Variants in REEP3 observed in about 807,000 individuals in gnomAD.
REEP3 encodes receptor expression-enhancing protein 3.
In REEP3, 20 loss-of-function variants were observed where a neutral mutation model predicts 41.3. That is an observed-to-expected ratio of 0.48 (90% CI 0.34 to 0.70). REEP3 has a LOEUF of 0.70. Among genes scored for constraint, REEP3 ranks in the 30% least tolerant of loss-of-function variants. The pLI, the probability that REEP3 is intolerant of heterozygous loss-of-function variation, is 0.01. For synonymous variants in REEP3, 104 were observed against 101.8 expected, an observed-to-expected ratio of 1.02 and a Z score of -0.13; for missense variants, 271 against 308.8, an observed-to-expected ratio of 0.88 and a Z score of 0.92.
In REEP3 at chr10:63,598,088, G is replaced by A; in HGVS notation, c.247G>A (p.Gly83Arg). Reference sequence around the variant, plus strand: ...ATGGCTGCTTTCTCCCTATACCAAAGGAGCAAGTTTAATATATAGAAAATT... The same window carrying A: ...ATGGCTGCTTTCTCCCTATACCAAAAGAGCAAGTTTAATATATAGAAAATT... ...VIWLLSPYTKGASLIYRKFLH... is the reference protein window; with the variant it reads ...VIWLLSPYTKRASLIYRKFLH... Residue 83 changes from glycine to arginine, a missense_variant, in exon 4 of 8, where the codon GGA (glycine) becomes AGA (arginine). Gly to Arg is a moderately radical substitution (Grantham distance 125, BLOSUM62 -2). Coordinates refer to ENST00000373758, the MANE Select transcript of REEP3 (RefSeq NM_001001330.3). The A allele has an allele frequency of 1.9e-6, 3 of 1,600,622 alleles. No individual in the cohort carries two copies. Among genetic ancestry groups the A allele is most frequent in the Non-Finnish European group, 2.6e-6 (3 of 1,167,950 alleles).
At chr10:63,543,186 A>G (rs559041916) in intron 1 of REEP3, among the ~76,000 whole-genome samples, 1 of 152,276 alleles carries the variant, frequency 6.6e-6, no homozygotes, top group African/African-American at 2.4e-5. Context: ...TTAAAATAAT[A>G]ATCATTTTAT....
intron 5 of REEP3, among the ~76,000 whole-genome samples, chr10:63,606,975 A>G (rs1343209596): frequency 2.6e-5 from 4 of 152,220 alleles, no homozygotes; most frequent in Non-Finnish European, 5.9e-5. Flanking sequence ...GAGGGAAGAT[A>G]TCTCCACTTA....
At chr10:63,601,645 G>A (rs576541823) in intron 5 of REEP3, among the ~76,000 whole-genome samples, 4 of 152,084 alleles carry the variant, frequency 2.6e-5, no homozygotes, top group African/African-American at 4.8e-5. Flanking sequence ...GAGGCTGGGC[G>A]TGGTGGCTCA....
chr10:63,602,488 A>G (rs1208995352), intron 5 of REEP3, among the ~76,000 whole-genome samples: 2 of 152,252 alleles, frequency 1.3e-5, no homozygotes, highest in South Asian at 2.1e-4. Flanking sequence ...ATCCTTCAAC[A>G]TGGTTCTATG....
chr10:63,614,496 T>C (rs143099626), intron 6 of REEP3, among the ~76,000 whole-genome samples: 2 of 152,304 alleles, frequency 1.3e-5, no homozygotes, highest in African/African-American at 4.8e-5. Context: ...AAGCAGCTGC[T>C]GGCTAGAATG....
chr10:63,563,543 T>C (rs1564479543), intron 1 of REEP3, among the ~76,000 whole-genome samples: 1 of 152,168 alleles, frequency 6.6e-6, no homozygotes, highest in East Asian at 1.9e-4. Flanking sequence ...ATTTTTTTAA[T>C]CTGATAACCA....
At chr10:63,551,590 C>T (rs1019977640) in intron 1 of REEP3, among the ~76,000 whole-genome samples, 3 of 152,178 alleles carry the variant, frequency 2.0e-5, no homozygotes, top group African/African-American at 7.2e-5. Flanking sequence ...CCCAAAAACC[C>T]ATGACCTGAG....
At chr10:63,577,695 A>G (rs1955909830) in intron 2 of REEP3, among the ~76,000 whole-genome samples, 2 of 152,016 alleles carry the variant, frequency 1.3e-5, no homozygotes, top group Admixed American at 1.3e-4. Context: ...GGGCCTCAGA[A>G]ATTGCCAGGA....
At chr10:63,569,498 G>A (rs1955834169) in intron 2 of REEP3, among the ~76,000 whole-genome samples, 1 of 148,522 alleles carries the variant, frequency 6.7e-6, no homozygotes, top group South Asian at 2.1e-4. Flanking sequence ...TTTAGGAAAA[G>A]AAAGCTAAGT....
chr10:63,548,042 C>T (rs1955594881), intron 1 of REEP3, among the ~76,000 whole-genome samples: 2 of 152,212 alleles, frequency 1.3e-5, no homozygotes, highest in Admixed American at 6.5e-5. Context: ...CTGAGTGTCA[C>T]TTATTGATTG....
rs2133438788 is a variant in REEP3, at chr10:63,619,686, GAA to G, written c.600_601del (p.Lys200AsnfsTer3). ...YGIPLKDGDEKTDEEAEGPYS... is the reference protein window; with the variant it reads ...YGIPLKDGDEXTDEEAEGPYS... ...GAATTCCACTGAAAGACGGAGATGA[GAA>G]AACAGATGAAGAAGCAGAGGGGCCA... On this transcript the variant is annotated frameshift_variant, in exon 7 of 8. Transcript: ENST00000373758. LOFTEE classifies it high-confidence loss of function. 1 of 1,604,356 alleles carries G rather than the reference GAA, an allele frequency of 6.2e-7. No homozygotes were observed. Among genetic ancestry groups the G allele is most frequent in the East Asian group, 2.2e-5 (1 of 44,680 alleles).
At chr10:63,616,060 A>C (rs1956309923) in intron 6 of REEP3, among the ~76,000 whole-genome samples, 1 of 152,214 alleles carries the variant, frequency 6.6e-6, no homozygotes, top group Non-Finnish European at 1.5e-5. Flanking sequence ...CTTCTGCTTA[A>C]AACATTTCAA....
rs1327166941 is a variant in REEP3 at position 63,624,641 on chromosome 10, A to G, written c.*3772A>G. The G allele has an allele frequency of 6.6e-6, 1 of 152,102 alleles. No homozygotes were observed. The highest frequency in any genetic ancestry group is 1.5e-5 in the Non-Finnish European group (1 of 67,970). The allele number at this position is 152,102 out of a possible 1,614,324, so 9.4% of individuals were successfully genotyped here. On this transcript the variant is annotated 3_prime_UTR_variant, in exon 8 of 8. Transcript: ENST00000373758. ...ATTCCATGAATTGGTATTACTTATT[A>G]TTATGTGTTGATTAAATATATGCAC...
At chr10:63,545,365 T>G (rs34826524) in intron 1 of REEP3, among the ~76,000 whole-genome samples, 31,034 of 152,036 alleles carry the variant, frequency 0.2, 4,084 homozygotes, top group Non-Finnish European at 0.3. Context: ...TATAGAACAT[T>G]TGAACTTCTT....
rs1955572394 is a variant in REEP3, at chr10:63,545,694, T to TTG, written c.33-20643_33-20642insGT. Among the ~76,000 whole-genome samples the TTG allele has an allele frequency of 4.9e-5, 7 of 142,688 alleles. No individual in the cohort carries two copies. In the South Asian group the frequency reaches 1.4e-3, roughly 29 times the overall value. The allele number at this position is 142,688 out of a possible 152,430, so 93.6% of individuals were successfully genotyped here. The stretch of plus-strand genomic sequence containing the variant: ...GGCCAACTTCTGTTTTTTTTTTTTT[T>TTG]TTTTTTTTTTTGAGATGGAGTCTTG... On this transcript the variant is annotated intron_variant, in intron 1 of 7. Coordinates refer to ENST00000373758, the MANE Select transcript of REEP3 (RefSeq NM_001001330.3).
At chr10:63,615,190 A>C (rs1480279831) in intron 6 of REEP3, among the ~76,000 whole-genome samples, 1 of 152,248 alleles carries the variant, frequency 6.6e-6, no homozygotes, top group Non-Finnish European at 1.5e-5. Flanking sequence ...AACAGTGTTT[A>C]GCCCTGAGTA....
rs1956354201 is a variant in REEP3 at position 63,621,618 on chromosome 10, A to G, written c.*749A>G. The G allele has an allele frequency of 6.6e-6, 1 of 152,652 alleles. No homozygotes were observed. Among genetic ancestry groups the G allele is most frequent in the African/African-American group, 2.4e-5 (1 of 41,470 alleles). The allele number at this position is 152,652 out of a possible 1,614,324, so 9.5% of individuals were successfully genotyped here. A position where few individuals can be genotyped will look rare whatever the true frequency, so the allele number is the denominator to read the frequency against. ...CATTGGATTTTAATAATATAAAAGTATAGCTAATTGTTCAGTTTTAACTAT... is the reference window on the plus strand; with the variant it reads ...CATTGGATTTTAATAATATAAAAGTGTAGCTAATTGTTCAGTTTTAACTAT... On this transcript the variant is annotated 3_prime_UTR_variant, in exon 8 of 8. Transcript: ENST00000373758.
In REEP3 at chr10:63,625,018, G is replaced by T. The variant is rs1021439399; in HGVS notation, c.*4149G>T. ...ATTATGACACATAATGCGTGTTAAG[G>T]TCTTTCTAGATAGCATTTTAAATGG... On this transcript the variant is annotated 3_prime_UTR_variant, in exon 8 of 8. Transcript: ENST00000373758. 6.6e-6 allele frequency: 1 copy of T among 151,994 alleles called. No individual in the cohort carries two copies. The highest frequency in any genetic ancestry group is 2.4e-5 in the African/African-American group (1 of 41,402). 9.4% of individuals were successfully genotyped at this position (151,994 alleles called of 1,614,324 possible).
At chr10:63,560,116 A>AG (rs1955726592) in intron 1 of REEP3, among the ~76,000 whole-genome samples, 2 of 152,104 alleles carry the variant, frequency 1.3e-5, no homozygotes, top group African/African-American at 4.8e-5. Context: ...AATCTGGAAA[A>AG]GGGGGCTCAC....
Sources: gnomAD v4.1 joint callset for allele counts (sites outside exome capture counted in the v4.1 genomes callset) on GRCh38, gnomAD v4.1.1 for gene constraint, MANE v1.5 for transcripts, NCBI Gene and HGNC (gene_info 2026-07-23, HGNC 2026-07-21) for gene names.